Variants in MYO7A observed in about 807,000 individuals in gnomAD.
MYO7A encodes the protein myosin VIIA, also known as unconventional myosin-VIIa.
Under a neutral mutation model 263.8 loss-of-function variants are expected in MYO7A, and 210 were observed. That is an observed-to-expected ratio of 0.80 (90% CI 0.71 to 0.89). The LOEUF (loss-of-function observed/expected upper bound fraction) is 0.89. MYO7A is among the 40% of genes least tolerant of loss of function. MYO7A has a pLI of 0.00. For synonymous variants in MYO7A, 1,239 were observed against 1,197.3 expected (o/e 1.03, Z -0.72); for missense variants, 2,820 against 2,968.3 (o/e 0.95, Z 1.16).
At chr11:77,173,000 T>TG (rs1265453602) in intron 16 of MYO7A, 115 bp downstream of exon 16, 12 of 1,390,574 alleles carry the variant, frequency 8.6e-6, no homozygotes, top group Admixed American at 2.7e-5. Flanking sequence ...CTTTGGGGAA[T>TG]GGGGGGCACC....
chr11:77,172,000 G>A (rs1954138559), intron 15 of MYO7A, among the ~76,000 whole-genome samples: 1 of 152,220 alleles, frequency 6.6e-6, no homozygotes, highest in Non-Finnish European at 1.5e-5. Flanking sequence ...GGGTTAGGAG[G>A]AGGCTGCTTG....
intron 40 of MYO7A, 75 bp from the exon 41 acceptor site, chr11:77,206,022 G>A: frequency 8.5e-7 from 1 of 1,173,244 alleles, no homozygotes. Context: ...GGGGTTGTCT[G>A]CCTCCAAGTG....
At chr11:77,140,847 T>C (rs1267237060) in intron 2 of MYO7A, among the ~76,000 whole-genome samples, 1 of 152,164 alleles carries the variant, frequency 6.6e-6, no homozygotes, top group Non-Finnish European at 1.5e-5. Flanking sequence ...GGGAGGAAGT[T>C]TGGGTTTGGG....
intron 15 of MYO7A, among the ~76,000 whole-genome samples, chr11:77,169,423 T>C (rs1953869408): frequency 1.3e-5 from 2 of 152,238 alleles, no homozygotes; most frequent in Admixed American, 6.5e-5. Context: ...AGACACCTAT[T>C]CACTCTATGC....
intron 4 of MYO7A, among the ~76,000 whole-genome samples, chr11:77,153,980 T>G (rs1356740919): frequency 6.6e-6 from 1 of 152,184 alleles, no homozygotes; most frequent in East Asian, 1.9e-4. Context: ...CTGGGCATGG[T>G]GGCACATGCC....
rs1956001229 is a variant in MYO7A at position 77,190,762 on chromosome 11, G to A, written c.3816G>A (p.Leu1272=). 1.3e-6 allele frequency: 2 copies of A among 1,599,908 alleles called. No homozygotes were observed. The highest frequency in any genetic ancestry group is 1.1e-5 in the South Asian group (1 of 88,068). The change falls in exon 30 of 49, where the codon CTG becomes CTA. Residue 1272 remains leucine (L), a synonymous_variant. Coordinates refer to ENST00000409709, the MANE Select transcript of MYO7A (RefSeq NM_000260.4). ...TCATGGATGGGACCACCAAGACCCTGCTGACGGACTCGGCAACCACGGCCA... is the reference window on the plus strand; with the variant it reads ...TCATGGATGGGACCACCAAGACCCTACTGACGGACTCGGCAACCACGGCCA... ...VTFMDGTTKT[L]LTDSATTAKE...
rs943518494 is a variant in MYO7A at position 77,196,381 on chromosome 11, G to A, written c.4324-1100G>A. ...GACTCCTTCTCAAAAAAAAAAAAAA[G>A]GAGCTTATCTCCAAATAGGGTTACA... On this transcript the variant is annotated intron_variant, in intron 32 of 48. Transcript: ENST00000409709. 2.0e-3 allele frequency among the ~76,000 whole-genome samples: 278 copies of A among 137,484 alleles called. 1 individual carries two copies. The highest frequency in any genetic ancestry group is 7.3e-3 in the African/African-American group (265 of 36,174). The allele number at this position is 137,484 out of a possible 152,430, so 90.2% of individuals were successfully genotyped here.
chr11:77,149,695 G>A (rs1951833874), intron 4 of MYO7A, among the ~76,000 whole-genome samples: 1 of 152,180 alleles, frequency 6.6e-6, no homozygotes. Context: ...GGCTCCAGAG[G>A]AGAGGCTGTG....
At chr11:77,182,244 G>C in intron 24 of MYO7A, 90 bp downstream of exon 24, 1 of 1,531,746 alleles carries the variant, frequency 6.5e-7, no homozygotes, top group Non-Finnish European at 8.9e-7. Context: ...AGGTGATGAG[G>C]GTGGTGGGTC....
chr11:77,167,322 G>T lies in MYO7A; in HGVS notation c.1797+1160G>T, dbSNP rs568092126. Among the ~76,000 whole-genome samples the T allele has an allele frequency of 2.0e-4, 30 of 152,212 alleles. 1 individual carries two copies. The South Asian group carries it at 6.2e-3, about 32-fold the overall frequency. On this transcript the variant is annotated intron_variant, in intron 15 of 48. Transcript: ENST00000409709. ...AGGCCCCTTGGAGGCGTCAATCCCC[G>T]GTCCTTCCACCAGGCCCTGGTGGGC...
chr11:77,175,888 G>C (rs1266727761), intron 18 of MYO7A, among the ~76,000 whole-genome samples: 2 of 152,212 alleles, frequency 1.3e-5, no homozygotes, highest in Non-Finnish European at 2.9e-5. Context: ...CCGTGCTGGG[G>C]TCCGCAGCAT....
Position 77,190,677 on chromosome 11 carries a change from C to A in MYO7A, c.3751-20C>A. 6.4e-7 allele frequency: 1 copy of A among 1,573,636 alleles called. No individual in the cohort carries two copies. The highest frequency in any genetic ancestry group is 8.6e-7 in the Non-Finnish European group (1 of 1,161,736). On this transcript the variant is annotated intron_variant, in intron 29 of 48. Transcript: ENST00000409709. Reference sequence around the variant, plus strand: ...GTCTGAAGGGAAGGGACCCCACAAACCCTCTTGGGGCACTTCCAGGCCACC... The same window carrying A: ...GTCTGAAGGGAAGGGACCCCACAAAACCTCTTGGGGCACTTCCAGGCCACC...
At chr11:77,195,847 T>C (rs892735787) in intron 32 of MYO7A, among the ~76,000 whole-genome samples, 2 of 152,246 alleles carry the variant, frequency 1.3e-5, no homozygotes, top group Non-Finnish European at 2.9e-5. Context: ...CAGAAATAAA[T>C]GTATTTCCTT....
In MYO7A at chr11:77,162,474, G is replaced by A. The variant is rs148880643; in HGVS notation, c.1554+144G>A. On this transcript the variant is annotated intron_variant, in intron 13 of 48. Coordinates refer to ENST00000409709, the MANE Select transcript of MYO7A (RefSeq NM_000260.4). ...GGCTCAGGGGCCAATTCAAGTATAGGCATCTGCCATTTGGGAATCACCTAC... is the reference window on the plus strand; with the variant it reads ...GGCTCAGGGGCCAATTCAAGTATAGACATCTGCCATTTGGGAATCACCTAC... 413 of 816,406 alleles carry A rather than the reference G, an allele frequency of 5.1e-4. No individual in the cohort carries two copies. In the East Asian group the frequency reaches 7.2e-3, roughly 14 times the overall value. The allele number at this position is 816,406 out of a possible 1,614,324, so 50.6% of individuals were successfully genotyped here.
intron 27 of MYO7A, 188 bp downstream of exon 27, chr11:77,184,903 G>C (rs1307767282): frequency 4.0e-6 from 4 of 1,011,482 alleles, no homozygotes; most frequent in Non-Finnish European, 6.1e-6. Context: ...TGTCTGTAAA[G>C]GGGGAATCCT....
At chr11:77,179,201 C>G in intron 20 of MYO7A, 72 bp downstream of exon 20, 2 of 1,339,024 alleles carry the variant, frequency 1.5e-6, no homozygotes, top group East Asian at 5.1e-5. Context: ...GGCAGTGGGA[C>G]TGGCCTGCAC....
chr11:77,187,002 C>T (rs1239964553), intron 27 of MYO7A, among the ~76,000 whole-genome samples: 4 of 152,112 alleles, frequency 2.6e-5, no homozygotes, highest in African/African-American at 9.7e-5. Flanking sequence ...ATGAATGTGT[C>T]TCAGGGAATC....
At chr11:77,144,261 A>G (rs1555052481) in intron 3 of MYO7A, among the ~76,000 whole-genome samples, 1 of 152,158 alleles carries the variant, frequency 6.6e-6, no homozygotes, top group East Asian at 1.9e-4. Context: ...CTAGGAACCT[A>G]CTATGAGGGT....
At chr11:77,210,527 C>T (rs776982218) in intron 44 of MYO7A, among the ~76,000 whole-genome samples, 8 of 152,186 alleles carry the variant, frequency 5.3e-5, no homozygotes, top group Non-Finnish European at 8.8e-5. Flanking sequence ...AGATCTCTGA[C>T]TGACAATGTA....
Sources: allele counts gnomAD v4.1 joint callset (sites outside exome capture counted in the v4.1 genomes callset), GRCh38; gene constraint gnomAD v4.1.1; transcripts MANE v1.5; gene names NCBI Gene and HGNC (gene_info 2026-07-23, HGNC 2026-07-21).